LRP1B: variants seen among roughly 807,000 people sequenced by gnomAD.
The protein encoded by LRP1B is low-density lipoprotein receptor-related protein 1B.
In LRP1B, 217 loss-of-function variants were observed where a neutral mutation model predicts 556.6. The observed-to-expected ratio is 0.39, with a 90% CI of 0.35 to 0.44. The LOEUF (loss-of-function observed/expected upper bound fraction) is 0.44. Among genes scored for constraint, LRP1B ranks in the 20% least tolerant of loss-of-function variants. The pLI, the probability that LRP1B is intolerant of heterozygous loss-of-function variation, is 1.00. For synonymous variants in LRP1B, 2,047 were observed against 1,865.8 expected, an observed-to-expected ratio of 1.10 and a Z score of -2.50; for missense variants, 5,053 against 5,620.8, an observed-to-expected ratio of 0.90 and a Z score of 3.23.
chr2:140,425,696 G>A (rs149999881), intron 66 of LRP1B, among the ~76,000 whole-genome samples: 10 of 152,232 alleles, frequency 6.6e-5, no homozygotes, highest in African/African-American at 9.6e-5. Flanking sequence ...GTGAGCCACC[G>A]TACCCGTCCC....
chr2:140,396,643 T>G (rs555830198), intron 66 of LRP1B, among the ~76,000 whole-genome samples: 1 of 152,286 alleles, frequency 6.6e-6, no homozygotes, highest in South Asian at 2.1e-4. Flanking sequence ...TAGTAACTAG[T>G]AAGAGTTAAG....
chr2:141,708,373 G>T (rs1201991514), intron 2 of LRP1B, among the ~76,000 whole-genome samples: 1 of 152,068 alleles, frequency 6.6e-6, no homozygotes. Context: ...TTTAACAGGG[G>T]TCAAATGAGC....
At chr2:140,283,765 TAAC>T (rs1225302182) in intron 84 of LRP1B, among the ~76,000 whole-genome samples, 3 of 151,938 alleles carry the variant, frequency 2.0e-5, no homozygotes, top group East Asian at 3.9e-4. Flanking sequence ...AGAGCTATCA[TAAC>T]AATGTTTTAA....
chr2:141,577,675 C>T (rs1574098343), intron 2 of LRP1B, among the ~76,000 whole-genome samples: 1 of 152,122 alleles, frequency 6.6e-6, no homozygotes, highest in Admixed American at 6.5e-5. Flanking sequence ...ATTTGGAACA[C>T]GTGATAGTGT....
intron 83 of LRP1B, among the ~76,000 whole-genome samples, chr2:140,307,110 T>C (rs1023050219): frequency 2.0e-5 from 3 of 152,002 alleles, no homozygotes; most frequent in Non-Finnish European, 4.4e-5. Flanking sequence ...TCACCACTAA[T>C]ATTTAAAGGA....
rs1466537290 is a variant in LRP1B at position 140,960,721 on chromosome 2, A to T, written c.2888-8781T>A. 2.6e-5 allele frequency among the ~76,000 whole-genome samples: 4 copies of T among 152,004 alleles called. No individual in the cohort carries two copies. The East Asian group carries it at 7.7e-4, about 29-fold the overall frequency. Reference sequence around the variant, plus strand: ...AAGTACTTTGTCCTTATTTGTGAGCACTCACCTCTAAAAGTAAGATGTCCT... The same window carrying T: ...AAGTACTTTGTCCTTATTTGTGAGCTCTCACCTCTAAAAGTAAGATGTCCT... On this transcript the variant is annotated intron_variant, in intron 18 of 90. Coordinates refer to ENST00000389484, the MANE Select transcript of LRP1B (RefSeq NM_018557.3).
chr2:140,866,577 G>A (rs2105150966), intron 27 of LRP1B, among the ~76,000 whole-genome samples: 1 of 152,150 alleles, frequency 6.6e-6, no homozygotes, highest in African/African-American at 2.4e-5. Context: ...AATTATGTAA[G>A]AAAATAGAAA....
chr2:141,227,669 A>C (rs1166640346), intron 6 of LRP1B, among the ~76,000 whole-genome samples: 1 of 152,154 alleles, frequency 6.6e-6, no homozygotes, highest in Non-Finnish European at 1.5e-5. Flanking sequence ...ATATTTGTTA[A>C]ACACTTTGTT....
At chr2:141,931,095 A>G (rs1443634414) in intron 1 of LRP1B, among the ~76,000 whole-genome samples, 4 of 152,068 alleles carry the variant, frequency 2.6e-5, no homozygotes, top group Admixed American at 2.0e-4. Flanking sequence ...ATTATGTGTT[A>G]GAATACATAC....
chr2:141,053,566 G>A (rs1017063236), intron 10 of LRP1B, among the ~76,000 whole-genome samples: 1 of 151,924 alleles, frequency 6.6e-6, no homozygotes, highest in Non-Finnish European at 1.5e-5. Flanking sequence ...CCAGCTTTCA[G>A]CCAGGTTGGT....
chr2:140,576,526 T>C (rs1681532415), intron 43 of LRP1B, among the ~76,000 whole-genome samples: 2 of 152,142 alleles, frequency 1.3e-5, no homozygotes, highest in South Asian at 4.1e-4. Context: ...ACCATCGGAA[T>C]CCAATTATTT....
chr2:140,397,366 A>G (rs1241902359), intron 66 of LRP1B, among the ~76,000 whole-genome samples: 3 of 151,976 alleles, frequency 2.0e-5, no homozygotes, highest in Non-Finnish European at 4.4e-5. Context: ...AACTCCCAAC[A>G]GGCTCCAGTG....
At chr2:140,636,897 G>A (rs1043271341) in intron 41 of LRP1B, among the ~76,000 whole-genome samples, 28 of 152,282 alleles carry the variant, frequency 1.8e-4, no homozygotes, top group South Asian at 4.1e-4. Flanking sequence ...AAGACTCAGC[G>A]TAGCTGTGAT....
intron 2 of LRP1B, among the ~76,000 whole-genome samples, chr2:141,518,055 G>A (rs6752726): frequency 0.011 from 1,637 of 151,924 alleles, 14 homozygotes; most frequent in Middle Eastern, 0.017. Flanking sequence ...CAAAACTGTG[G>A]GAAAGGTAGA....
intron 16 of LRP1B, chr2:140,992,412 AC>A (rs1273475785): frequency 6.6e-6 from 1 of 152,116 alleles, no homozygotes; most frequent in African/African-American, 2.4e-5. Context: ...TACAAGTCAC[AC>A]TGATGAAAAC....
chr2:141,886,380 A>C (rs1699113547), intron 1 of LRP1B, among the ~76,000 whole-genome samples: 1 of 152,200 alleles, frequency 6.6e-6, no homozygotes, highest in Non-Finnish European at 1.5e-5. Flanking sequence ...TCTGAGATGC[A>C]ACACTGAAAA....
At chr2:141,973,693 G>A (rs747498422) in intron 1 of LRP1B, among the ~76,000 whole-genome samples, 9 of 151,602 alleles carry the variant, frequency 5.9e-5, no homozygotes, top group Non-Finnish European at 1.0e-4. Context: ...TGAGCAAAGC[G>A]GTATAATATC....
chr2:140,916,727 T>C (rs1486912278), intron 21 of LRP1B, among the ~76,000 whole-genome samples: 1 of 152,238 alleles, frequency 6.6e-6, no homozygotes, highest in Non-Finnish European at 1.5e-5. Context: ...GTAAAAGTTG[T>C]GATACCTTCT....
intron 35 of LRP1B, among the ~76,000 whole-genome samples, chr2:140,730,837 G>A (rs994051369): frequency 6.6e-6 from 1 of 152,120 alleles, no homozygotes; most frequent in African/African-American, 2.4e-5. Context: ...GATTACAAGC[G>A]TGAGCCGCCA....
Sources: allele counts gnomAD v4.1 joint callset (sites outside exome capture counted in the v4.1 genomes callset), GRCh38; gene constraint gnomAD v4.1.1; transcripts MANE v1.5; gene names NCBI Gene and HGNC (gene_info 2026-07-23, HGNC 2026-07-21).